The following GLT1D1 variants were observed in gnomAD, a reference collection of about 807,000 sequenced individuals.
The protein encoded by GLT1D1 is glycosyltransferase 1 domain-containing protein 1.
A neutral mutation model predicts 28.7 loss-of-function variants in GLT1D1; 21 were observed. The observed-to-expected ratio is 0.73, with a 90% CI of 0.52 to 1.05. The LOEUF (loss-of-function observed/expected upper bound fraction) is 1.05, where lower values mean the gene tolerates loss of function less well. GLT1D1 is among the 50% of genes least tolerant of loss of function. The pLI is 0.00. For synonymous variants in GLT1D1, 147 were observed against 124.8 expected, an observed-to-expected ratio of 1.18 and a Z score of -1.19; for missense variants, 343 against 330.6, an observed-to-expected ratio of 1.04 and a Z score of -0.29.
intron 4 of GLT1D1, among the ~76,000 whole-genome samples, chr12:128,933,490 C>T (rs776111325): frequency 5.9e-5 from 9 of 152,224 alleles, no homozygotes; most frequent in Non-Finnish European, 1.2e-4. Flanking sequence ...TTGAGAAATG[C>T]TTGTTTTTTA....
chr12:128,861,485 C>T (rs1956370973), intron 1 of GLT1D1, among the ~76,000 whole-genome samples: 1 of 152,130 alleles, frequency 6.6e-6, no homozygotes, highest in Non-Finnish European at 1.5e-5. Flanking sequence ...GGGAAGAGAA[C>T]AAAATAGAGC....
intron 1 of GLT1D1, 128 bp from the exon 2 acceptor site, chr12:128,875,786 G>C: frequency 1.1e-6 from 1 of 907,600 alleles, no homozygotes; most frequent in South Asian, 1.7e-5. Context: ...GGCAACATGA[G>C]TGAAACTCTG....
intron 4 of GLT1D1, among the ~76,000 whole-genome samples, chr12:128,942,854 G>C (rs975850060): frequency 6.6e-6 from 1 of 151,246 alleles, no homozygotes; most frequent in African/African-American, 2.4e-5. Flanking sequence ...GGGTTCAAGT[G>C]ATTCCCCTGC....
intron 7 of GLT1D1, among the ~76,000 whole-genome samples, chr12:128,960,428 G>C (rs1877814884): frequency 1.3e-5 from 2 of 152,144 alleles, no homozygotes; most frequent in South Asian, 4.1e-4. Context: ...CAGATGAAAG[G>C]AACCACTAGT....
At chr12:128,895,919 G>A (rs754404307) in intron 3 of GLT1D1, among the ~76,000 whole-genome samples, 4 of 152,144 alleles carry the variant, frequency 2.6e-5, no homozygotes, top group Non-Finnish European at 5.9e-5. Context: ...TCGATGAAAC[G>A]GAATGGTATG....
intron 4 of GLT1D1, among the ~76,000 whole-genome samples, chr12:128,921,918 C>CT (rs5801829): frequency 0.28 from 39,917 of 143,762 alleles, 6,422 homozygotes; most frequent in Non-Finnish European, 0.37. Flanking sequence ...TTGACATTTA[C>CT]TTTTTTTTTT....
chr12:128,923,471 C>T (rs1033635848), intron 4 of GLT1D1, among the ~76,000 whole-genome samples: 1 of 151,934 alleles, frequency 6.6e-6, no homozygotes, highest in African/African-American at 2.4e-5. Flanking sequence ...TAATAAGGCT[C>T]AGCTTTTTCC....
At chr12:128,907,322 T>G (rs1336156619) in intron 4 of GLT1D1, among the ~76,000 whole-genome samples, 6 of 122,920 alleles carry the variant, frequency 4.9e-5, no homozygotes, top group Admixed American at 3.6e-4. Context: ...TTTTTTTTTT[T>G]TGAGACCGAG....
chr12:128,887,066 C>A (rs143900662), intron 2 of GLT1D1, among the ~76,000 whole-genome samples: 248 of 151,150 alleles, frequency 1.6e-3, no homozygotes, highest in African/African-American at 5.3e-3. Flanking sequence ...GGCTGCAGTG[C>A]GGTGGCGTGA....
intron 6 of GLT1D1, among the ~76,000 whole-genome samples, chr12:128,950,678 G>T (rs1331730032): frequency 6.6e-6 from 1 of 152,194 alleles, no homozygotes; most frequent in Non-Finnish European, 1.5e-5. Context: ...TGACTGTTCT[G>T]CAGGGTAGAA....
intron 4 of GLT1D1, among the ~76,000 whole-genome samples, chr12:128,915,495 G>A (rs1270201825): frequency 6.6e-6 from 1 of 151,790 alleles, no homozygotes; most frequent in Non-Finnish European, 1.5e-5. Context: ...CTCCTAAGTA[G>A]CTGGTACTAC....
chr12:128,869,350 T>C (rs1346051326), intron 1 of GLT1D1, among the ~76,000 whole-genome samples: 2 of 151,964 alleles, frequency 1.3e-5, no homozygotes, highest in Non-Finnish European at 2.9e-5. Context: ...TTGTATTTTT[T>C]GTGGAGACAG....
chr12:128,905,713 C>T (rs539878449), intron 4 of GLT1D1, among the ~76,000 whole-genome samples: 2 of 152,292 alleles, frequency 1.3e-5, no homozygotes, highest in African/African-American at 2.4e-5. Flanking sequence ...CTAGTGGGCT[C>T]CTCACCAGGT....
At chr12:128,870,743 G>A (rs879339919) in intron 1 of GLT1D1, among the ~76,000 whole-genome samples, 4 of 152,176 alleles carry the variant, frequency 2.6e-5, no homozygotes, top group African/African-American at 9.6e-5. Context: ...TGTAATCTCA[G>A]CACTTTGGGA....
At chr12:128,928,791 T>C (rs1270080071) in intron 4 of GLT1D1, among the ~76,000 whole-genome samples, 1 of 151,938 alleles carries the variant, frequency 6.6e-6, no homozygotes, top group African/African-American at 2.4e-5. Context: ...TGGCTAATTT[T>C]TGTATTTTTA....
intron 7 of GLT1D1, among the ~76,000 whole-genome samples, chr12:128,971,194 C>T (rs1170966285): frequency 6.6e-6 from 1 of 152,182 alleles, no homozygotes; most frequent in Non-Finnish European, 1.5e-5. Flanking sequence ...GTGCTGAGTG[C>T]CACGCGGCAA....
At chr12:128,901,357 T>G (rs1167386209) in intron 4 of GLT1D1, among the ~76,000 whole-genome samples, 1 of 152,036 alleles carries the variant, frequency 6.6e-6, no homozygotes, top group Non-Finnish European at 1.5e-5. Flanking sequence ...TGACCTCAAG[T>G]GATCTGCCCT....
intron 7 of GLT1D1, among the ~76,000 whole-genome samples, chr12:128,979,646 G>C (rs1180324730): frequency 1.3e-5 from 2 of 152,178 alleles, no homozygotes; most frequent in Non-Finnish European, 2.9e-5. Flanking sequence ...CCAGCTACTT[G>C]GGAGGCTGAG....
At chr12:128,979,906 T>C (rs1246555514) in intron 7 of GLT1D1, among the ~76,000 whole-genome samples, 2 of 152,260 alleles carry the variant, frequency 1.3e-5, no homozygotes, top group African/African-American at 4.8e-5. Context: ...CGGTTTTGCA[T>C]ATCTCATATA....
Sources: gnomAD v4.1 joint callset for allele counts (sites outside exome capture counted in the v4.1 genomes callset) on GRCh38, gnomAD v4.1.1 for gene constraint, MANE v1.5 for transcripts, NCBI Gene and HGNC (gene_info 2026-07-23, HGNC 2026-07-21) for gene names.